TENM2: variants seen among roughly 807,000 people sequenced by gnomAD.
The protein encoded by TENM2 is teneurin transmembrane protein 2.
In TENM2, 52 loss-of-function variants were observed where a neutral mutation model predicts 245.2. The observed-to-expected ratio is 0.21, with a 90% CI of 0.17 to 0.27. The LOEUF (loss-of-function observed/expected upper bound fraction) is 0.27, where lower values mean the gene tolerates loss of function less well. TENM2 is among the 10% of genes least tolerant of loss of function. The probability of loss-of-function intolerance (pLI) is 1.00; values close to 1 mark genes in which losing one functional copy is unlikely to be tolerated. For missense variants in TENM2, 3,046 were observed against 3,666.8 expected (o/e 0.83, Z 4.37); for synonymous variants, 1,363 against 1,438.9 (o/e 0.95, Z 1.19).
At chr5:167,019,869 G>A in the TENM2 span, among the ~76,000 whole-genome samples, 2 of 152,098 alleles carry the variant, frequency 1.3e-5, no homozygotes, top group African/African-American at 2.4e-5. Context: ...TTTCCTTCTA[G>A]CAAAGGAAAA....
the TENM2 span, among the ~76,000 whole-genome samples, chr5:167,156,351 A>G: frequency 1.3e-5 from 2 of 152,210 alleles, no homozygotes; most frequent in Non-Finnish European, 1.5e-5. Flanking sequence ...CCTTACTTAT[A>G]CTAAATTGCA....
At chr5:167,012,270 G>A in the TENM2 span, among the ~76,000 whole-genome samples, 59,007 of 151,916 alleles carry the variant, frequency 0.39, 11,794 homozygotes, top group Non-Finnish European at 0.45. Flanking sequence ...TTCCCCTGTC[G>A]TTTTAAGACA....
At chr5:167,661,826 A>G (rs1395005786) in intron 2 of TENM2, among the ~76,000 whole-genome samples, 1 of 152,204 alleles carries the variant, frequency 6.6e-6, no homozygotes, top group African/African-American at 2.4e-5. Flanking sequence ...ATGGATCTCA[A>G]ACAGGCCGTC....
intron 5 of TENM2, among the ~76,000 whole-genome samples, chr5:168,031,160 G>T (rs1191866334): frequency 6.6e-6 from 1 of 152,210 alleles, no homozygotes; most frequent in Non-Finnish European, 1.5e-5. Flanking sequence ...TCAAGAGTCA[G>T]TGCAGTGAGG....
the TENM2 span, among the ~76,000 whole-genome samples, chr5:167,230,867 C>T: frequency 2.0e-5 from 3 of 152,206 alleles, no homozygotes; most frequent in Non-Finnish European, 2.9e-5. Flanking sequence ...ACCCAAATCT[C>T]GTCTTGAATT....
At chr5:167,420,730 G>A (rs560363292) in intron 2 of TENM2, among the ~76,000 whole-genome samples, 8 of 151,988 alleles carry the variant, frequency 5.3e-5, no homozygotes, top group East Asian at 1.9e-4. Flanking sequence ...GTCTTTTTCC[G>A]ACAGCACCAT....
chr5:167,623,421 T>C (rs955935009), intron 2 of TENM2, among the ~76,000 whole-genome samples: 1 of 152,260 alleles, frequency 6.6e-6, no homozygotes, highest in Admixed American at 6.5e-5. Flanking sequence ...CCACTCCCAG[T>C]CGATTTATCC....
chr5:168,103,559 C>T (rs183857912), intron 9 of TENM2, among the ~76,000 whole-genome samples: 1 of 152,108 alleles, frequency 6.6e-6, no homozygotes, highest in African/African-American at 2.4e-5. Context: ...GAGTGTCTCT[C>T]GGTATGGGTC....
At chr5:167,354,552 T>A (rs1759186273) in intron 1 of TENM2, among the ~76,000 whole-genome samples, 1 of 152,198 alleles carries the variant, frequency 6.6e-6, no homozygotes, top group African/African-American at 2.4e-5. Flanking sequence ...TTATGTCTAG[T>A]CCCTGGCTAG....
intron 1 of TENM2, among the ~76,000 whole-genome samples, chr5:167,309,377 T>C (rs1334610606): frequency 1.3e-5 from 2 of 152,210 alleles, no homozygotes; most frequent in Non-Finnish European, 2.9e-5. Context: ...GATAAACTTA[T>C]TGTACATTGA....
chr5:167,577,560 C>T (rs1205283201), intron 2 of TENM2, among the ~76,000 whole-genome samples: 1 of 152,020 alleles, frequency 6.6e-6, no homozygotes, highest in Non-Finnish European at 1.5e-5. Flanking sequence ...GGGATGTTCC[C>T]GATTTTATTT....
intron 12 of TENM2, among the ~76,000 whole-genome samples, chr5:168,128,219 C>T (rs1795994414): frequency 6.6e-6 from 1 of 152,214 alleles, no homozygotes; most frequent in Admixed American, 6.5e-5. Flanking sequence ...CTCGATGACG[C>T]TCCAGGTCTT....
intron 2 of TENM2, among the ~76,000 whole-genome samples, chr5:167,693,993 A>C (rs1757599541): frequency 6.6e-6 from 1 of 152,234 alleles, no homozygotes; most frequent in Admixed American, 6.5e-5. Flanking sequence ...ACAACAGACT[A>C]ATTGATTGAA....
the TENM2 span, among the ~76,000 whole-genome samples, chr5:167,014,630 C>G: frequency 6.6e-6 from 1 of 152,116 alleles, no homozygotes. Flanking sequence ...GAGAAAGAAC[C>G]CAGACTGGGT....
chr5:167,826,211 C>T (rs1385072051), intron 2 of TENM2, among the ~76,000 whole-genome samples: 1 of 152,178 alleles, frequency 6.6e-6, no homozygotes, highest in Non-Finnish European at 1.5e-5. Context: ...TTTCATATGC[C>T]AGCAATAAAA....
At chr5:167,711,208 C>T (rs1293339785) in intron 2 of TENM2, among the ~76,000 whole-genome samples, 1 of 152,122 alleles carries the variant, frequency 6.6e-6, no homozygotes, top group Non-Finnish European at 1.5e-5. Context: ...TAGCTATAAG[C>T]AGGAAGGAAT....
At chr5:168,100,590 T>G (rs1013639327) in intron 9 of TENM2, among the ~76,000 whole-genome samples, 1 of 152,090 alleles carries the variant, frequency 6.6e-6, no homozygotes, top group East Asian at 1.9e-4. Context: ...TGCAGGGACA[T>G]GGATGAAGCT....
At chr5:167,512,788 C>T (rs377350032) in intron 2 of TENM2, among the ~76,000 whole-genome samples, 1 of 152,020 alleles carries the variant, frequency 6.6e-6, no homozygotes, top group Non-Finnish European at 1.5e-5. Flanking sequence ...TATGTCTGAG[C>T]CTTTTTGGTG....
chr5:168,068,447 G>A (rs927086100), intron 7 of TENM2, among the ~76,000 whole-genome samples: 9 of 152,122 alleles, frequency 5.9e-5, no homozygotes, highest in Non-Finnish European at 1.2e-4. Context: ...ATAAAAAGAC[G>A]AAAGTGATAG....
Sources: allele counts gnomAD v4.1 joint callset (sites outside exome capture counted in the v4.1 genomes callset), GRCh38; gene constraint gnomAD v4.1.1; transcripts MANE v1.5; gene names NCBI Gene and HGNC (gene_info 2026-07-23, HGNC 2026-07-21).